RNF7: variants seen among roughly 807,000 people sequenced by gnomAD.
The protein encoded by RNF7 is RING-box protein 2.
A neutral mutation model predicts 17.0 loss-of-function variants in RNF7; 9 were observed. The observed-to-expected ratio is 0.53, with a 90% CI of 0.32 to 0.92. The LOEUF is 0.92. RNF7 is among the 40% of genes least tolerant of loss of function. The pLI, the probability that RNF7 is intolerant of heterozygous loss-of-function variation, is 0.04. For missense variants in RNF7, 87 were observed against 145.8 expected, an observed-to-expected ratio of 0.60 and a Z score of 2.08; for synonymous variants, 59 against 50.5, an observed-to-expected ratio of 1.17 and a Z score of -0.72.
chr3:141,745,058 T>A (rs2084457930), intron 2 of RNF7, 101 bp from the exon 3 acceptor site: 1 of 734,926 alleles, frequency 1.4e-6, no homozygotes, highest in Non-Finnish European at 2.2e-6. Context: ...TTAACTATCT[T>A]TTTTCAAGAT....
At chr3:141,738,624 G>T (rs768726957) in intron 1 of RNF7, 108 bp downstream of exon 1, 50 of 1,206,642 alleles carry the variant, frequency 4.1e-5, no homozygotes, top group Non-Finnish European at 5.0e-5. Context: ...GCCCTGCCTG[G>T]GAGAGTGGGT....
At chr3:141,738,634 T>A (rs1314018413) in intron 1 of RNF7, 118 bp downstream of exon 1, 3 of 1,108,586 alleles carry the variant, frequency 2.7e-6, no homozygotes, top group Non-Finnish European at 3.7e-6. Context: ...GGAGAGTGGG[T>A]GGAGGTCGCC....
chr3:141,742,908 G>C (rs533630607), intron 1 of RNF7: 1 of 1,078,498 alleles, frequency 9.3e-7, no homozygotes, highest in South Asian at 2.4e-5. Flanking sequence ...TTCTGTGTCA[G>C]TAAGTATGGA....
chr3:141,744,965 T>C (rs528770446), intron 2 of RNF7, among the ~76,000 whole-genome samples, 194 bp from the exon 3 acceptor site: 6 of 152,326 alleles, frequency 3.9e-5, no homozygotes, highest in African/African-American at 1.2e-4. Context: ...GGAAAGGCTC[T>C]CAAACAGTGA....
At chr3:141,744,569 C>G (rs929410876) in intron 2 of RNF7, among the ~76,000 whole-genome samples, 7 of 152,140 alleles carry the variant, frequency 4.6e-5, no homozygotes, top group Non-Finnish European at 7.4e-5. Context: ...TCTTTGATCA[C>G]AGAGAGACCT....
intron 1 of RNF7, among the ~76,000 whole-genome samples, chr3:141,742,454 C>G (rs1351252116): frequency 6.6e-6 from 1 of 151,930 alleles, no homozygotes; most frequent in South Asian, 2.1e-4. Flanking sequence ...TCTCCATCTC[C>G]TGACCTCGTG....
intron 1 of RNF7, chr3:141,742,608 A>G (rs1054472720): frequency 1.1e-5 from 13 of 1,172,528 alleles, no homozygotes; most frequent in African/African-American, 9.5e-5. Context: ...CCCACTTAAT[A>G]TATAAATACC....
Position 141,738,504 on chromosome 3 carries a change from G to A in RNF7, c.163G>A (p.Val55Ile), listed in dbSNP as rs771891264. The change falls in exon 1 of 3, where the codon GTC (valine) becomes ATC (isoleucine). Residue 55 changes from valine to isoleucine, a missense_variant. Transcript: ENST00000273480. The part of the protein sequence containing the change: ...VECDTCAICR[V>I]QVMDACLRCQ... ...GTGCGATACGTGCGCCATCTGCAGGGTCCAGGTGATGGGTAAGCGCTGCAC... is the reference window on the plus strand; with the variant it reads ...GTGCGATACGTGCGCCATCTGCAGGATCCAGGTGATGGGTAAGCGCTGCAC... 3 of 1,613,198 alleles carry A rather than the reference G, an allele frequency of 1.9e-6. No individual in the cohort carries two copies. The highest frequency in any genetic ancestry group is 2.2e-5 in the South Asian group (2 of 90,954).
intron 1 of RNF7, among the ~76,000 whole-genome samples, chr3:141,739,076 G>A (rs2084388564): frequency 6.6e-6 from 1 of 152,110 alleles, no homozygotes; most frequent in Admixed American, 6.5e-5. Context: ...TTCCGGATTA[G>A]CTTACCGCCG....
rs1369799164 is a variant in RNF7, at chr3:141,745,513, G to A, written c.*236G>A. The A allele has an allele frequency of 1.3e-5, 4 of 299,594 alleles. No homozygotes were observed. Among genetic ancestry groups the A allele is most frequent in the South Asian group, 5.3e-5 (1 of 18,934 alleles). 18.6% of individuals were successfully genotyped at this position (299,594 alleles called of 1,614,324 possible). On this transcript the variant is annotated 3_prime_UTR_variant, in exon 3 of 3. Coordinates refer to ENST00000273480, the MANE Select transcript of RNF7 (RefSeq NM_014245.5). ...AAAGGTGGTCCTTCCTACCTCTGTG[G>A]TGTGTGTCGCGCACACAGCTTAGAA...
chr3:141,746,850 A>C lies in RNF7; in HGVS notation c.*1573A>C, dbSNP rs954849647. 3.3e-5 allele frequency: 5 copies of C among 152,184 alleles called. No individual in the cohort carries two copies. Among genetic ancestry groups the C allele is most frequent in the African/African-American group, 1.2e-4 (5 of 41,440 alleles). The allele number at this position is 152,184 out of a possible 1,614,324, so 9.4% of individuals were successfully genotyped here. On this transcript the variant is annotated 3_prime_UTR_variant, in exon 3 of 3. Coordinates refer to ENST00000273480, the MANE Select transcript of RNF7 (RefSeq NM_014245.5). ...CACATTTCTCTGGAAATTTTTCTTT[A>C]TATTTTTTCACAGTTGTCTTTCTAG...
intron 1 of RNF7, among the ~76,000 whole-genome samples, chr3:141,740,559 A>C (rs1370684049): frequency 6.6e-6 from 1 of 152,184 alleles, no homozygotes; most frequent in African/African-American, 2.4e-5. Context: ...AAATTATTCT[A>C]GGCTAGACCT....
rs2084459970 is a variant in RNF7, at chr3:141,745,294, T to C, written c.*17T>C. The C allele has an allele frequency of 1.3e-6, 2 of 1,552,548 alleles. No individual in the cohort carries two copies. Among genetic ancestry groups the C allele is most frequent in the Non-Finnish European group, 1.8e-6 (2 of 1,126,464 alleles). ...GGCAAATGAGAGTGGTTAGAAGGCT[T>C]CTTAGCGCAGTTGTTCAGAGCCCTG... On this transcript the variant is annotated 3_prime_UTR_variant, in exon 3 of 3. Coordinates refer to ENST00000273480, the MANE Select transcript of RNF7 (RefSeq NM_014245.5).
intron 2 of RNF7, 126 bp from the exon 3 acceptor site, chr3:141,745,033 C>T (rs1215823303): frequency 3.4e-6 from 2 of 584,174 alleles, no homozygotes; most frequent in Non-Finnish European, 6.0e-6. Context: ...GATAGAAAAA[C>T]ATTATTTTGG....
rs566297141 is a variant in RNF7 at position 141,742,902 on chromosome 3, G to A, written c.176-607G>A. 5 of 1,086,430 alleles carry A rather than the reference G, an allele frequency of 4.6e-6. No individual in the cohort carries two copies. In the South Asian group the frequency reaches 1.1e-4, roughly 25 times the overall value. The allele number at this position is 1,086,430 out of a possible 1,614,324, so 67.3% of individuals were successfully genotyped here. A position where few individuals can be genotyped will look rare whatever the true frequency, so the allele number is the denominator to read the frequency against. On this transcript the variant is annotated intron_variant, in intron 1 of 2. Transcript: ENST00000273480. ...TATGAGTTGCTAAAGGAAGGCTTCT[G>A]TGTCAGTAAGTATGGATGACTTTAA...
chr3:141,742,249 C>T (rs1203776856), intron 1 of RNF7, among the ~76,000 whole-genome samples: 64 of 122,852 alleles, frequency 5.2e-4, no homozygotes, highest in Non-Finnish European at 7.7e-4. Context: ...TTTTTTGAGA[C>T]GGAGTCTCGC....
At chr3:141,742,384 G>T (rs948379829) in intron 1 of RNF7, among the ~76,000 whole-genome samples, 3 of 151,532 alleles carry the variant, frequency 2.0e-5, no homozygotes, top group Non-Finnish European at 2.9e-5. Context: ...CCACCACCAC[G>T]CCCGGCTAAT....
At chr3:141,741,867 A>G (rs574528916) in intron 1 of RNF7, among the ~76,000 whole-genome samples, 35 of 152,318 alleles carry the variant, frequency 2.3e-4, no homozygotes, top group African/African-American at 7.7e-4. Flanking sequence ...TTGTTTATAT[A>G]TACATCAAGA....
chr3:141,738,352 T>G lies in RNF7; in HGVS notation c.11T>G (p.Val4Gly). 6.5e-7 allele frequency: 1 copy of G among 1,533,608 alleles called. No homozygotes were observed. Among genetic ancestry groups the G allele is most frequent in the Non-Finnish European group, 8.8e-7 (1 of 1,135,220 alleles). The change falls in exon 1 of 3, where the codon GTG (valine) becomes GGG (glycine). Residue 4 changes from valine (V) to glycine (G), a missense_variant. By Grantham distance (109) the Val-to-Gly change is moderately radical. Transcript: ENST00000273480. Reference sequence around the variant, plus strand: ...CTCCGCGGCGCCGCCATGGCCGACGTGGAAGACGGAGAGGAAACCTGCGCC... The same window carrying G: ...CTCCGCGGCGCCGCCATGGCCGACGGGGAAGACGGAGAGGAAACCTGCGCC... The part of the protein sequence containing the change: MAD[V>G]EDGEETCALA...
Sources: allele counts gnomAD v4.1 joint callset (sites outside exome capture counted in the v4.1 genomes callset), GRCh38; gene constraint gnomAD v4.1.1; transcripts MANE v1.5; gene names NCBI Gene and HGNC (gene_info 2026-07-23, HGNC 2026-07-21).